CTSC: variants seen among roughly 807,000 people sequenced by gnomAD.
The protein encoded by CTSC is cathepsin C, also known as dipeptidyl peptidase 1.
Under a neutral mutation model 40.9 loss-of-function variants are expected in CTSC, and 37 were observed. The ratio of observed to expected loss-of-function variants is 0.91; its 90% confidence interval spans 0.70 to 1.19. CTSC has a LOEUF of 1.19. CTSC is among the 50% of genes most tolerant of loss of function. The pLI is 0.00. For missense variants in CTSC, 594 were observed against 567.3 expected, an observed-to-expected ratio of 1.05 and a Z score of -0.48; for synonymous variants, 232 against 207.4, an observed-to-expected ratio of 1.12 and a Z score of -1.02.
At position 88,304,054 on chromosome 11, in the gene CTSC, G is replaced by C. The variant is rs139318135; in HGVS notation, c.642-3409C>G. 2.2e-3 allele frequency among the ~76,000 whole-genome samples: 339 copies of C among 152,104 alleles called. 2 individuals carry two copies. The highest frequency in any genetic ancestry group is 7.8e-3 in the African/African-American group (325 of 41,488). On this transcript the variant is annotated intron_variant, in intron 4 of 6. Transcript: ENST00000227266. The stretch of plus-strand genomic sequence containing the variant: ...GACAAAATCTAGTATGTGTTAACTA[G>C]TTGTCTTGTTTAAACCTAAGAATAT...
At chr11:88,329,055 C>T (rs916675108) in intron 2 of CTSC, among the ~76,000 whole-genome samples, 1 of 152,150 alleles carries the variant, frequency 6.6e-6, no homozygotes, top group Non-Finnish European at 1.5e-5. Flanking sequence ...GTCTACTTCC[C>T]CTCTACATAT....
chr11:88,328,294 A>C (rs746015588), intron 2 of CTSC: 5 of 830,486 alleles, frequency 6.0e-6, no homozygotes, highest in African/African-American at 1.7e-5. Context: ...CTCAGTGCTA[A>C]ACTTCTGATA....
intron 4 of CTSC, among the ~76,000 whole-genome samples, chr11:88,307,647 T>C (rs988241819): frequency 6.7e-6 from 1 of 150,270 alleles, no homozygotes; most frequent in East Asian, 2.0e-4. Context: ...ACAGTTACTG[T>C]AGGCAAGTTG....
intron 2 of CTSC, 110 bp downstream of exon 2, chr11:88,334,827 T>A (rs1170430924): frequency 1.2e-5 from 10 of 815,358 alleles, no homozygotes; most frequent in Admixed American, 2.0e-5. Context: ...GTGGTGTCAA[T>A]TCCGGTCATC....
intron 4 of CTSC, among the ~76,000 whole-genome samples, chr11:88,306,196 T>G (rs1388007395): frequency 6.6e-6 from 1 of 152,196 alleles, no homozygotes; most frequent in Non-Finnish European, 1.5e-5. Flanking sequence ...ATGCCATCAG[T>G]TGGACAGGAA....
intron 3 of CTSC, among the ~76,000 whole-genome samples, chr11:88,309,699 A>G (rs1389050716): frequency 6.6e-6 from 1 of 152,080 alleles, no homozygotes; most frequent in Admixed American, 6.6e-5. Flanking sequence ...AAATATGAGA[A>G]GATATCAAAG....
chr11:88,332,008 A>T (rs1165112588), intron 2 of CTSC, among the ~76,000 whole-genome samples: 3 of 152,236 alleles, frequency 2.0e-5, no homozygotes, highest in Non-Finnish European at 4.4e-5. Flanking sequence ...GAGCAGCAAG[A>T]ACAATAAGAA....
At chr11:88,295,672 T>C (rs217106) in intron 6 of CTSC, among the ~76,000 whole-genome samples, 72,425 of 151,952 alleles carry the variant, frequency 0.48, 19,063 homozygotes, top group African/African-American at 0.7. Flanking sequence ...TAAGCCACTG[T>C]GCCCAGCCCT....
At chr11:88,329,516 T>TGTTTTACAGG (rs1237273549) in intron 2 of CTSC, among the ~76,000 whole-genome samples, 3 of 149,718 alleles carry the variant, frequency 2.0e-5, no homozygotes, top group African/African-American at 7.4e-5. Context: ...TTTTGGAGCT[T>TGTTTTACAGG]AGTTTGTTTT....
chr11:88,315,777 G>A (rs983005640), intron 2 of CTSC, among the ~76,000 whole-genome samples: 9 of 152,124 alleles, frequency 5.9e-5, no homozygotes, highest in African/African-American at 2.2e-4. Context: ...AAGAGCCAGA[G>A]AGGTAAACAA....
At chr11:88,311,695 A>C (rs1257565971) in intron 3 of CTSC, among the ~76,000 whole-genome samples, 4 of 152,172 alleles carry the variant, frequency 2.6e-5, no homozygotes, top group Non-Finnish European at 4.4e-5. Context: ...AGCTTTAAAG[A>C]GGTCATTAAG....
intron 1 of CTSC, among the ~76,000 whole-genome samples, chr11:88,336,190 G>A (rs1332956778): frequency 1.3e-5 from 2 of 150,894 alleles, no homozygotes; most frequent in Non-Finnish European, 2.9e-5. Flanking sequence ...ATGTGACAGG[G>A]CAGTGCAAAT....
At chr11:88,335,183 A>G (rs1938462236) in intron 1 of CTSC, 101 bp from the exon 2 acceptor site, 2 of 832,954 alleles carry the variant, frequency 2.4e-6, no homozygotes, top group African/African-American at 1.7e-5. Flanking sequence ...CTTTCCTTTC[A>G]TGCTACCCAG....
At chr11:88,296,722 C>T in intron 5 of CTSC, 1 of 250,062 alleles carries the variant, frequency 4.0e-6, no homozygotes, top group Non-Finnish European at 7.8e-6. Context: ...GTTAAAACCC[C>T]AATCCCAAAA....
At chr11:88,310,854 A>C (rs1937739639) in intron 3 of CTSC, among the ~76,000 whole-genome samples, 1 of 151,910 alleles carries the variant, frequency 6.6e-6, no homozygotes, top group South Asian at 2.1e-4. Context: ...CCACAACGCC[A>C]GTCAATATTT....
chr11:88,328,232 T>A, intron 2 of CTSC: 1 of 1,449,454 alleles, frequency 6.9e-7, no homozygotes, highest in Non-Finnish European at 9.7e-7. Flanking sequence ...TGAGTCATTA[T>A]GTTGAGATTA....
Position 88,294,393 on chromosome 11 carries a change from T to C in CTSC, c.1005A>G (p.Glu335=). ...TGTDSPCKMK[E]DCFRYYSSEY... is the part of the protein sequence containing the mutation. Reference sequence around the variant, plus strand: ...CAGAGGAGTAATAACGAAAGCAGTCTTCCTTCATTTTGCATGGAGAATCAG... The same window carrying C: ...CAGAGGAGTAATAACGAAAGCAGTCCTCCTTCATTTTGCATGGAGAATCAG... Residue 335 remains glutamate (E), a synonymous_variant, in exon 7 of 7, where the codon GAA becomes GAG. Coordinates refer to ENST00000227266, the MANE Select transcript of CTSC (RefSeq NM_001814.6). 1 of 1,614,150 alleles carries C rather than the reference T, an allele frequency of 6.2e-7. No individual in the cohort carries two copies. The highest frequency in any genetic ancestry group is 8.5e-7 in the Non-Finnish European group (1 of 1,180,004).
At chr11:88,317,282 C>G (rs1937901495) in intron 2 of CTSC, among the ~76,000 whole-genome samples, 1 of 152,078 alleles carries the variant, frequency 6.6e-6, no homozygotes, top group Non-Finnish European at 1.5e-5. Context: ...ATTTAATATT[C>G]ATAAAGCCAG....
chr11:88,294,145 G>C lies in CTSC; in HGVS notation c.1253C>G (p.Ser418Cys), dbSNP rs997870049. The C allele has an allele frequency of 3.1e-6, 5 of 1,613,728 alleles. No individual in the cohort carries two copies. The South Asian group carries it at 5.5e-5, about 18-fold the overall frequency. ...TTTAACAATCCAGTAATCCATCCCA[G>C]AGGCTGAGTCAGTGCCATAGCCCAC... Reference protein sequence around the residue: ...LLVGYGTDSASGMDYWIVKNS... With the variant: ...LLVGYGTDSACGMDYWIVKNS... The change falls in exon 7 of 7, where the codon TCT (serine) becomes TGT (cysteine). Residue 418 changes from serine (S) to cysteine (C), a missense_variant. Ser to Cys is a moderately radical substitution (Grantham distance 112, BLOSUM62 -1). Coordinates refer to ENST00000227266, the MANE Select transcript of CTSC (RefSeq NM_001814.6).
Sources: gnomAD v4.1 joint callset for allele counts (sites outside exome capture counted in the v4.1 genomes callset) on GRCh38, gnomAD v4.1.1 for gene constraint, MANE v1.5 for transcripts, NCBI Gene and HGNC (gene_info 2026-07-23, HGNC 2026-07-21) for gene names.